The following SOHLH2 variants were observed in gnomAD, a reference collection of about 807,000 sequenced individuals.
The protein encoded by SOHLH2 is spermatogenesis- and oogenesis-specific basic helix-loop-helix-containing protein 2.
Under a neutral mutation model 50.4 loss-of-function variants are expected in SOHLH2, and 22 were observed. The observed-to-expected ratio is 0.44, with a 90% confidence interval of 0.31 to 0.62. The LOEUF (loss-of-function observed/expected upper bound fraction) is 0.62, where lower values mean the gene tolerates loss of function less well. Ranked by LOEUF, SOHLH2 falls within the 20% of genes least tolerant of loss-of-function variation. The pLI is 0.08. For synonymous variants in SOHLH2, 185 were observed against 187.3 expected (o/e 0.99, Z 0.10); for missense variants, 412 against 504.4 (o/e 0.82, Z 1.76).
At chr13:36,174,671 T>A in intron 7 of SOHLH2, 51 bp downstream of exon 7, 3 of 1,595,394 alleles carry the variant, frequency 1.9e-6, no homozygotes, top group Non-Finnish European at 2.6e-6. Flanking sequence ...AAAATTGTAG[T>A]ATTAAAGCAT....
rs78502163 is a variant in SOHLH2, at chr13:36,168,747, G to A, written c.*287C>T. 8.8e-3 allele frequency: 3,634 copies of A among 414,828 alleles called. 109 individuals are homozygous for A. Among genetic ancestry groups the A allele is most frequent in the African/African-American group, 0.068 (3,320 of 48,838 alleles). 25.7% of individuals were successfully genotyped at this position (414,828 alleles called of 1,614,324 possible). On this transcript the variant is annotated 3_prime_UTR_variant, in exon 11 of 11. Coordinates refer to ENST00000379881, the MANE Select transcript of SOHLH2 (RefSeq NM_017826.3). ...TTTCATAAATTGTGGAATATTTTTT[G>A]AGAAAAGAGAGTGTAGGTCACTGAG... is the stretch of plus-strand genomic sequence containing the variant.
intron 9 of SOHLH2, among the ~76,000 whole-genome samples, chr13:36,172,532 T>C (rs1886989232): frequency 6.6e-6 from 1 of 152,228 alleles, no homozygotes; most frequent in African/African-American, 2.4e-5. Context: ...CTTCATTTGT[T>C]CCCATGGCTT....
chr13:36,172,300 TCTGATTTAATCTAAG>T (rs1159366208), intron 9 of SOHLH2, among the ~76,000 whole-genome samples: 2 of 152,258 alleles, frequency 1.3e-5, no homozygotes, highest in East Asian at 1.9e-4. Context: ...CTGATCTCTA[TCTGATTTAATCTAAG>T]CTGATTTAAT....
At chr13:36,170,274 C>G (rs1400661618) in intron 10 of SOHLH2, among the ~76,000 whole-genome samples, 4 of 152,226 alleles carry the variant, frequency 2.6e-5, no homozygotes. Flanking sequence ...GATCAGATTC[C>G]ACCTGGTCAC....
At position 36,193,775 on chromosome 13, in the gene SOHLH2, A is replaced by G. The variant is rs7994470; in HGVS notation, c.325+31T>C. 828 of 1,602,726 alleles carry G rather than the reference A, an allele frequency of 5.2e-4. 3 individuals carry two copies. In the African/African-American group the frequency reaches 9.8e-3, roughly 19 times the overall value. ...GACCTTATAGTTTCTATTTAGAGAA[A>G]AAACAAATACTATATTTAGCAGGTA... On this transcript the variant is annotated intron_variant, in intron 3 of 10. Transcript: ENST00000379881.
intron 2 of SOHLH2, among the ~76,000 whole-genome samples, chr13:36,194,782 A>C (rs1377141707): frequency 1.3e-5 from 2 of 152,234 alleles, no homozygotes; most frequent in African/African-American, 4.8e-5. Context: ...ACTACCTAAG[A>C]AAAGCAAACT....
chr13:36,190,023 T>A lies in SOHLH2; in HGVS notation c.564A>T (p.Glu188Asp). 6.2e-7 allele frequency: 1 copy of A among 1,608,194 alleles called. No individual in the cohort carries two copies. Reference sequence around the variant, plus strand: ...CGAACTCTGACAACGAAGCATTTAATTCAAGCCCATTGCCATTCCTTAAAG... The same window carrying A: ...CGAACTCTGACAACGAAGCATTTAAATCAAGCCCATTGCCATTCCTTAAAG... The part of the protein sequence containing the change: ...SESLRNGNGL[E>D]LNASLSEFEK... Residue 188 changes from glutamate (E) to aspartate (D), a missense_variant, in exon 6 of 11, where the codon GAA (glutamate) becomes GAT (aspartate). Transcript: ENST00000379881.
At chr13:36,184,223 T>TA (rs573576953) in intron 6 of SOHLH2, among the ~76,000 whole-genome samples, 102 of 152,248 alleles carry the variant, frequency 6.7e-4, no homozygotes, top group African/African-American at 2.4e-3. Context: ...ACATTCAAGT[T>TA]AAGTTATACA....
intron 6 of SOHLH2, among the ~76,000 whole-genome samples, chr13:36,181,203 G>A (rs1423577939): frequency 1.3e-5 from 2 of 151,858 alleles, no homozygotes; most frequent in Admixed American, 1.3e-4. Flanking sequence ...TATACTTCCT[G>A]TTTCCACAAT....
At chr13:36,180,899 C>T (rs1044184119) in intron 6 of SOHLH2, among the ~76,000 whole-genome samples, 3 of 152,008 alleles carry the variant, frequency 2.0e-5, no homozygotes, top group African/African-American at 4.8e-5. Flanking sequence ...AGGTGGTTAG[C>T]GGTGTTCACA....
At chr13:36,206,489 T>G (rs1267797626) in intron 1 of SOHLH2, among the ~76,000 whole-genome samples, 2 of 152,046 alleles carry the variant, frequency 1.3e-5, no homozygotes, top group Non-Finnish European at 1.5e-5. Flanking sequence ...GGTTTTTTAT[T>G]TTTTTGACTA....
At chr13:36,170,468 C>T in intron 10 of SOHLH2, 63 bp downstream of exon 10, 1 of 1,555,500 alleles carries the variant, frequency 6.4e-7, no homozygotes, top group Non-Finnish European at 8.7e-7. Flanking sequence ...AAATGCAGGT[C>T]AGGGGTTTCT....
intron 6 of SOHLH2, 66 bp downstream of exon 6, chr13:36,189,880 T>G: frequency 7.0e-7 from 1 of 1,433,376 alleles, no homozygotes; most frequent in East Asian, 2.5e-5. Context: ...CTACAAAAAA[T>G]TATAAAATTC....
At chr13:36,174,134 C>T (rs1044054947) in intron 8 of SOHLH2, among the ~76,000 whole-genome samples, 2 of 152,150 alleles carry the variant, frequency 1.3e-5, no homozygotes, top group Non-Finnish European at 2.9e-5. Flanking sequence ...CTCCAGGGCC[C>T]GAGACCTCTC....
chr13:36,207,818 T>G (rs1403610816), intron 1 of SOHLH2, among the ~76,000 whole-genome samples: 1 of 152,196 alleles, frequency 6.6e-6, no homozygotes, highest in Non-Finnish European at 1.5e-5. Flanking sequence ...GTCTGACGTT[T>G]TCTCATAATT....
intron 4 of SOHLH2, 107 bp downstream of exon 4, chr13:36,193,514 A>G: frequency 8.0e-7 from 1 of 1,251,936 alleles, no homozygotes; most frequent in Non-Finnish European, 1.1e-6. Flanking sequence ...TAAAGAATAC[A>G]TATTTCTCCC....
chr13:36,168,860 G>T lies in SOHLH2; in HGVS notation c.*174C>A. On this transcript the variant is annotated 3_prime_UTR_variant, in exon 11 of 11. Coordinates refer to ENST00000379881, the MANE Select transcript of SOHLH2 (RefSeq NM_017826.3). The stretch of plus-strand genomic sequence containing the variant: ...GTGTGTGGCCAGCTTTTTCGCTGCT[G>T]GTCTTTCTATCTGCAGAAGCTTTGA... The T allele has an allele frequency of 2.7e-6, 3 of 1,128,490 alleles. No individual in the cohort carries two copies. Among genetic ancestry groups the T allele is most frequent in the Non-Finnish European group, 2.4e-6 (2 of 847,440 alleles). 69.9% of individuals were successfully genotyped at this position (1,128,490 alleles called of 1,614,324 possible). A position where few individuals can be genotyped will look rare whatever the true frequency, so the allele number is the denominator to read the frequency against.
chr13:36,174,651 T>C (rs1887054073), intron 7 of SOHLH2, 71 bp downstream of exon 7: 27 of 1,596,698 alleles, frequency 1.7e-5, no homozygotes, highest in Non-Finnish European at 2.1e-5. Context: ...GATAAAAAAT[T>C]AAAAGAAGTA....
At chr13:36,182,436 A>G in intron 6 of SOHLH2, 1 of 282,266 alleles carries the variant, frequency 3.5e-6, no homozygotes, top group Non-Finnish European at 5.3e-6. Flanking sequence ...TGACTCTATG[A>G]CAGTTCTGGG....
Sources: allele counts gnomAD v4.1 joint callset (sites outside exome capture counted in the v4.1 genomes callset), GRCh38; gene constraint gnomAD v4.1.1; transcripts MANE v1.5; gene names NCBI Gene and HGNC (gene_info 2026-07-23, HGNC 2026-07-21).